Variants in IQGAP3 observed in about 807,000 individuals in gnomAD.
IQGAP3 encodes IQ motif containing GTPase activating protein 3, also known as ras GTPase-activating-like protein IQGAP3.
Under a neutral mutation model 208.2 loss-of-function variants are expected in IQGAP3, and 165 were observed. The observed-to-expected ratio is 0.79, with a 90% CI of 0.70 to 0.90. The LOEUF (loss-of-function observed/expected upper bound fraction) is 0.90. Among genes scored for constraint, IQGAP3 ranks in the 40% least tolerant of loss-of-function variants. The pLI is 0.00. For missense variants in IQGAP3, 1,811 were observed against 2,043.1 expected, an observed-to-expected ratio of 0.89 and a Z score of 2.19; for synonymous variants, 703 against 803.6, an observed-to-expected ratio of 0.87 and a Z score of 2.12.
At chr1:156,569,839 G>T (rs1029029258) in intron 1 of IQGAP3, among the ~76,000 whole-genome samples, 3 of 152,136 alleles carry the variant, frequency 2.0e-5, no homozygotes, top group Non-Finnish European at 4.4e-5. Flanking sequence ...CTTCTCAACA[G>T]ACTTGTTTAG....
intron 1 of IQGAP3, 64 bp from the exon 2 acceptor site, chr1:156,569,527 T>TA: frequency 2.5e-4 from 127 of 504,042 alleles, no homozygotes; most frequent in Non-Finnish European, 3.7e-4. Flanking sequence ...CACTGAAGGG[T>TA]CTTTTTTTTT....
Position 156,535,201 on chromosome 1 carries a change from C to T in IQGAP3, c.3469G>A (p.Glu1157Lys). 1 of 1,613,686 alleles carries T rather than the reference C, an allele frequency of 6.2e-7. No individual in the cohort carries two copies. Among genetic ancestry groups the T allele is most frequent in the Non-Finnish European group, 8.5e-7 (1 of 1,179,764 alleles). Residue 1157 changes from glutamate to lysine, a missense_variant, in exon 28 of 38, where the codon GAG becomes AAG. Coordinates refer to ENST00000361170, the MANE Select transcript of IQGAP3 (RefSeq NM_178229.5). ...VAKVLKATLA[E>K]KFPDATDSEV... ...CTGTCTGTGGCGTCAGGGAATTTCT[C>T]TGCCAGAGTTGCCTTCAGGACTTTG...
chr1:156,559,875 G>A (rs115734247), intron 11 of IQGAP3, among the ~76,000 whole-genome samples: 1,730 of 152,318 alleles, frequency 0.011, 19 homozygotes, highest in African/African-American at 0.04. Flanking sequence ...ATGAAGGTCT[G>A]AAGATGTTCA....
intron 2 of IQGAP3, among the ~76,000 whole-genome samples, 186 bp downstream of exon 2, chr1:156,569,190 T>A (rs1333606925): frequency 6.6e-6 from 1 of 151,368 alleles, no homozygotes; most frequent in East Asian, 1.9e-4. Context: ...CATATTGCGG[T>A]ATATAGTGGG....
chr1:156,531,002 T>C (rs1207109951), intron 33 of IQGAP3, among the ~76,000 whole-genome samples, 158 bp downstream of exon 33: 1 of 152,174 alleles, frequency 6.6e-6, no homozygotes, highest in Admixed American at 6.5e-5. Flanking sequence ...GCTGTATCCC[T>C]CATCCTGTAG....
chr1:156,555,145 A>G (rs563531774), intron 12 of IQGAP3, among the ~76,000 whole-genome samples: 104 of 152,248 alleles, frequency 6.8e-4, no homozygotes, highest in African/African-American at 2.2e-3. Flanking sequence ...CCGCACACCC[A>G]AGAAGCTCCG....
At position 156,538,917 on chromosome 1, in the gene IQGAP3, T is replaced by G; in HGVS notation, c.3173A>C (p.Lys1058Thr). 6.2e-7 allele frequency: 1 copy of G among 1,614,164 alleles called. No individual in the cohort carries two copies. The change falls in exon 26 of 38, where the codon AAG becomes ACG. Residue 1058 changes from lysine (K) to threonine (T), a missense_variant. Transcript: ENST00000361170. Reference sequence around the variant, plus strand: ...GTCTTCTAGCACATCCTGGATAACCTTGCCCAGAATCTCCTGCAGGGCACT... The same window carrying G: ...GTCTTCTAGCACATCCTGGATAACCGTGCCCAGAATCTCCTGCAGGGCACT... ...GQSALQEILGKVIQDVLEDKV... is the reference protein window; with the variant it reads ...GQSALQEILGTVIQDVLEDKV...
intron 27 of IQGAP3, 133 bp downstream of exon 27, chr1:156,537,048 C>T: frequency 1.1e-6 from 1 of 947,386 alleles, no homozygotes; most frequent in Non-Finnish European, 1.6e-6. Flanking sequence ...TTCAGGAACC[C>T]CTCTGAGTAC....
chr1:156,544,359 A>G, intron 20 of IQGAP3, 30 bp downstream of exon 20: 3 of 1,592,342 alleles, frequency 1.9e-6, no homozygotes, highest in Non-Finnish European at 2.6e-6. Flanking sequence ...CCTTTGAGAG[A>G]AAGGAGCCTG....
At chr1:156,547,915 T>C (rs1486265176) in intron 19 of IQGAP3, among the ~76,000 whole-genome samples, 158 bp downstream of exon 19, 1 of 152,124 alleles carries the variant, frequency 6.6e-6, no homozygotes, top group Non-Finnish European at 1.5e-5. Flanking sequence ...GAGCTGGGAT[T>C]CAAACATACA....
At chr1:156,561,086 T>C in intron 10 of IQGAP3, 65 bp from the exon 11 acceptor site, 1 of 1,185,782 alleles carries the variant, frequency 8.4e-7, no homozygotes, top group South Asian at 1.2e-5. Flanking sequence ...CTTTACGAGT[T>C]GCCAGCATGA....
chr1:156,562,332 C>CA (rs943862586), intron 9 of IQGAP3, among the ~76,000 whole-genome samples: 1 of 152,104 alleles, frequency 6.6e-6, no homozygotes, highest in South Asian at 2.1e-4. Flanking sequence ...CAACTGCCCC[C>CA]CCGGCATCAA....
intron 11 of IQGAP3, 35 bp from the exon 12 acceptor site, chr1:156,556,728 G>T: frequency 1.4e-6 from 2 of 1,478,774 alleles, no homozygotes; most frequent in South Asian, 1.4e-5. Flanking sequence ...TGTACTGGCC[G>T]GGCATTCAGT....
At position 156,534,710 on chromosome 1, in the gene IQGAP3, G is replaced by T. The variant is rs1263243579; in HGVS notation, c.3531C>A (p.Tyr1177Ter). 4 of 1,596,956 alleles carry T rather than the reference G, an allele frequency of 2.5e-6. No homozygotes were observed. Among genetic ancestry groups the T allele is most frequent in the Non-Finnish European group, 3.4e-6 (4 of 1,173,000 alleles). ...CCACCACAGCTGGGTTCAGGAAGCG[G>T]TAGTACAGGAGGTTCCCGACCACCT... is the stretch of plus-strand genomic sequence containing the variant. ...VYKVVGNLLY[Y>*]RFLNPAVVAP... Residue 1177 changes from tyrosine (Y) to a stop codon, truncating the protein, a stop_gained, in exon 29 of 38, where the codon TAC becomes TAA. Transcript: ENST00000361170. LOFTEE classifies it high-confidence loss of function.
rs370248624 is a variant in IQGAP3, at chr1:156,554,351, G to A, written c.1332C>T (p.Leu444=). The change falls in exon 13 of 38, where the codon CTC becomes CTT. Residue 444 remains leucine, a synonymous_variant. Coordinates refer to ENST00000361170, the MANE Select transcript of IQGAP3 (RefSeq NM_178229.5). ...CCCGGTTAATCAGGACCACAGCTGA[G>A]AGCATCTCCACAGCCACGAAGAGCT... ...QEELFVAVEM[L]SAVVLINRAL... 6.2e-7 allele frequency: 1 copy of A among 1,613,244 alleles called. No homozygotes were observed. Among genetic ancestry groups the A allele is most frequent in the Non-Finnish European group, 8.5e-7 (1 of 1,179,770 alleles).
At chr1:156,533,250 G>C (rs1054090801) in intron 31 of IQGAP3, 144 bp from the exon 32 acceptor site, 4 of 1,052,052 alleles carry the variant, frequency 3.8e-6, no homozygotes, top group Non-Finnish European at 5.6e-6. Context: ...TCCCACACTG[G>C]CCTGCAGAAC....
At chr1:156,552,346 A>G (rs752803718) in intron 13 of IQGAP3, among the ~76,000 whole-genome samples, 6 of 151,986 alleles carry the variant, frequency 3.9e-5, no homozygotes, top group Non-Finnish European at 8.8e-5. Flanking sequence ...AGATGATCTC[A>G]CCCAATCTCA....
Position 156,551,160 on chromosome 1 carries a change from C to T in IQGAP3, c.1734+545G>A, listed in dbSNP as rs571100982. On this transcript the variant is annotated intron_variant, in intron 15 of 37. Transcript: ENST00000361170. Reference sequence around the variant, plus strand: ...ACTTACACCCCATAACTATGAGATACACTCTTTACTGCCACAAGCTTCTAG... The same window carrying T: ...ACTTACACCCCATAACTATGAGATATACTCTTTACTGCCACAAGCTTCTAG... Among the ~76,000 whole-genome samples, 10 of 152,268 alleles carry T rather than the reference C, an allele frequency of 6.6e-5. No individual in the cohort carries two copies. The East Asian group carries it at 1.3e-3, about 21-fold the overall frequency.
chr1:156,556,583 C>T lies in IQGAP3; in HGVS notation c.1240G>A (p.Ala414Thr). The change falls in exon 12 of 38, where the codon GCA becomes ACA. Residue 414 changes from alanine to threonine, a missense_variant. Ala to Thr is a moderately conservative substitution (Grantham distance 58). Coordinates refer to ENST00000361170, the MANE Select transcript of IQGAP3 (RefSeq NM_178229.5). ...AGCTCCAGCTGGTACATAGACGATG[C>T]AACAGGGTACACTGGAGGCAGCTGG... The part of the protein sequence containing the change: ...EAQLPPVYPV[A>T]SSMYQLELAV... The T allele has an allele frequency of 1.9e-6, 3 of 1,613,638 alleles. No individual in the cohort carries two copies. Among genetic ancestry groups the T allele is most frequent in the Non-Finnish European group, 1.7e-6 (2 of 1,179,614 alleles).
Sources: allele counts gnomAD v4.1 joint callset (sites outside exome capture counted in the v4.1 genomes callset), GRCh38; gene constraint gnomAD v4.1.1; transcripts MANE v1.5; gene names NCBI Gene and HGNC (gene_info 2026-07-23, HGNC 2026-07-21).